The following AIG1 variants were observed in gnomAD, a reference collection of about 807,000 sequenced individuals.
AIG1 encodes the protein androgen-induced gene 1 protein.
A neutral mutation model predicts 31.4 loss-of-function variants in AIG1; 23 were observed. That is an observed-to-expected ratio of 0.73 (90% CI 0.53 to 1.04). AIG1 has a LOEUF of 1.04. Ranked by LOEUF, AIG1 falls within the 50% of genes least tolerant of loss-of-function variation. The pLI, the probability that AIG1 is intolerant of heterozygous loss-of-function variation, is 0.00. For synonymous variants in AIG1, 100 were observed against 110.5 expected (o/e 0.90, Z 0.60); for missense variants, 274 against 295.0 (o/e 0.93, Z 0.52).
At chr6:143,168,473 G>A (rs533046979) in intron 3 of AIG1, among the ~76,000 whole-genome samples, 6 of 144,842 alleles carry the variant, frequency 4.1e-5, no homozygotes, top group Admixed American at 2.9e-4. Flanking sequence ...TGTTCTCATC[G>A]TTCAATTCCC....
At position 143,292,186 on chromosome 6, in the gene AIG1, C is replaced by T. The variant is rs1208089655; in HGVS notation, c.515+7961C>T. Among the ~76,000 whole-genome samples, 2 of 152,138 alleles carry T rather than the reference C, an allele frequency of 1.3e-5. No homozygotes were observed. The highest frequency in any genetic ancestry group is 2.4e-5 in the African/African-American group (1 of 41,414). On this transcript the variant is annotated intron_variant, in intron 4 of 5. Transcript: ENST00000357847. The surrounding 1 kb of genome is among the most constrained non-coding windows in gnomAD (Gnocchi z 4.9). Reference sequence around the variant, plus strand: ...GCAAAATAATGCTCACCACAAGCCCCCAAAGATATCCACATCCTAAAATCC... The same window carrying T: ...GCAAAATAATGCTCACCACAAGCCCTCAAAGATATCCACATCCTAAAATCC...
At chr6:143,186,072 T>G (rs1363517027) in intron 3 of AIG1, among the ~76,000 whole-genome samples, 1 of 152,154 alleles carries the variant, frequency 6.6e-6, no homozygotes, top group Admixed American at 6.5e-5. Flanking sequence ...CCTAATAACT[T>G]GCCCAAGCGC....
chr6:143,108,131 A>G (rs114997658), intron 1 of AIG1, among the ~76,000 whole-genome samples: 93 of 147,822 alleles, frequency 6.3e-4, no homozygotes, highest in African/African-American at 2.0e-3. Flanking sequence ...GTCTTACCCT[A>G]TGTAACAGAA....
chr6:143,066,138 G>C (rs934014893), intron 1 of AIG1, among the ~76,000 whole-genome samples: 13 of 152,170 alleles, frequency 8.5e-5, no homozygotes, highest in Admixed American at 6.5e-4. Flanking sequence ...ATCAGAGTCT[G>C]CATTTTAATA....
intron 2 of AIG1, among the ~76,000 whole-genome samples, chr6:143,162,216 A>G (rs1183794190): frequency 6.6e-6 from 1 of 152,344 alleles, no homozygotes; most frequent in African/African-American, 2.4e-5. Flanking sequence ...TCAGCAAAAT[A>G]TGTGCAGTAT....
At chr6:143,171,563 C>G (rs1414247036) in intron 3 of AIG1, among the ~76,000 whole-genome samples, 1 of 135,308 alleles carries the variant, frequency 7.4e-6, no homozygotes, top group African/African-American at 2.8e-5. Flanking sequence ...ATCACATTTT[C>G]TTTATCCACT....
chr6:143,143,528 AATATATATATAT>A (rs1245695724), intron 2 of AIG1, among the ~76,000 whole-genome samples: 2 of 27,794 alleles, frequency 7.2e-5, no homozygotes, highest in African/African-American at 9.6e-5. Context: ...AAAAAAAAAA[AATATATATATAT>A]ATATATATAT....
At chr6:143,142,548 C>A (rs975412398) in intron 2 of AIG1, among the ~76,000 whole-genome samples, 5 of 152,202 alleles carry the variant, frequency 3.3e-5, no homozygotes, top group Admixed American at 2.0e-4. Flanking sequence ...AAGATGATAG[C>A]CCTTTCTGAG....
intron 1 of AIG1, among the ~76,000 whole-genome samples, chr6:143,095,901 C>CTTTT (rs372161832): frequency 4.9e-4 from 51 of 103,712 alleles, no homozygotes; most frequent in Admixed American, 7.3e-4. Context: ...GCTACTTTAT[C>CTTTT]TTTTTTTTTT....
intron 3 of AIG1, among the ~76,000 whole-genome samples, chr6:143,183,257 G>A (rs185844318): frequency 4.0e-5 from 6 of 150,108 alleles, no homozygotes; most frequent in South Asian, 2.1e-4. Context: ...GTGCGATGGC[G>A]CAATCTTGGC....
intron 2 of AIG1, among the ~76,000 whole-genome samples, chr6:143,145,130 T>G (rs1436952165): frequency 6.6e-6 from 1 of 152,144 alleles, no homozygotes; most frequent in Non-Finnish European, 1.5e-5. Flanking sequence ...GCTCAAGTGA[T>G]CCTCGCACCT....
At chr6:143,272,724 A>T (rs188419102) in intron 3 of AIG1, among the ~76,000 whole-genome samples, 4 of 152,248 alleles carry the variant, frequency 2.6e-5, no homozygotes. Context: ...TAATGGAACA[A>T]TAACAGTTGC....
intron 4 of AIG1, among the ~76,000 whole-genome samples, chr6:143,290,497 T>A (rs1407214912): frequency 6.6e-6 from 1 of 152,210 alleles, no homozygotes; most frequent in African/African-American, 2.4e-5. Flanking sequence ...CATCCCCCCT[T>A]ACCAGTTGAA....
intron 2 of AIG1, among the ~76,000 whole-genome samples, chr6:143,140,630 C>G (rs1784171173): frequency 6.6e-6 from 1 of 152,198 alleles, no homozygotes; most frequent in African/African-American, 2.4e-5. Flanking sequence ...GCCTCCTGGC[C>G]TGGAATGGAA....
intron 2 of AIG1, among the ~76,000 whole-genome samples, chr6:143,158,516 T>C (rs1456247039): frequency 6.6e-6 from 1 of 152,228 alleles, no homozygotes; most frequent in Non-Finnish European, 1.5e-5. Flanking sequence ...GGGTGTTTCC[T>C]AGTGTTTCAT....
At chr6:143,210,905 G>C (rs1345369538) in intron 3 of AIG1, among the ~76,000 whole-genome samples, 1 of 152,062 alleles carries the variant, frequency 6.6e-6, no homozygotes, top group Admixed American at 6.6e-5. Flanking sequence ...AAGAAGAAAA[G>C]TCTTAAATTT....
chr6:143,183,128 C>T (rs993614602), intron 3 of AIG1, among the ~76,000 whole-genome samples: 11 of 151,616 alleles, frequency 7.3e-5, no homozygotes, highest in African/African-American at 2.7e-4. Flanking sequence ...TTGAAAAGCT[C>T]TTCTACATAT....
At chr6:143,271,989 A>G (rs1236294066) in intron 3 of AIG1, among the ~76,000 whole-genome samples, 1 of 152,228 alleles carries the variant, frequency 6.6e-6, no homozygotes, top group Non-Finnish European at 1.5e-5. Flanking sequence ...AGCTTAGCAT[A>G]CAATGGTCAA....
At chr6:143,273,812 C>T (rs1796708254) in intron 3 of AIG1, among the ~76,000 whole-genome samples, 1 of 152,144 alleles carries the variant, frequency 6.6e-6, no homozygotes, top group Non-Finnish European at 1.5e-5. Flanking sequence ...TTTTCTCCCA[C>T]CAGGACCCTC....
Sources: allele counts gnomAD v4.1 joint callset (sites outside exome capture counted in the v4.1 genomes callset), GRCh38; gene constraint gnomAD v4.1.1; non-coding constraint Gnocchi (gnomAD v3.1); transcripts MANE v1.5; gene names NCBI Gene and HGNC (gene_info 2026-07-23, HGNC 2026-07-21).